Variants in ADGRB3 observed in about 807,000 individuals in gnomAD.
The protein encoded by ADGRB3 is brain-specific angiogenesis inhibitor 3.
A neutral mutation model predicts 193.4 loss-of-function variants in ADGRB3; 37 were observed. The ratio of observed to expected loss-of-function variants is 0.19; its 90% CI spans 0.15 to 0.25. ADGRB3 has a LOEUF of 0.25. Among genes scored for constraint, ADGRB3 ranks in the 10% least tolerant of loss-of-function variants. ADGRB3 has a pLI of 1.00. For synonymous variants in ADGRB3, 690 were observed against 644.2 expected, an observed-to-expected ratio of 1.07 and a Z score of -1.08; for missense variants, 1,637 against 1,852.9, an observed-to-expected ratio of 0.88 and a Z score of 2.14.
intron 3 of ADGRB3, among the ~76,000 whole-genome samples, chr6:68,884,615 A>C (rs1765850572): frequency 6.6e-6 from 1 of 152,184 alleles, no homozygotes; most frequent in Non-Finnish European, 1.5e-5. Flanking sequence ...CAGAAACTAC[A>C]TCATGGGAAG....
chr6:69,034,461 T>C (rs891870904), intron 13 of ADGRB3, among the ~76,000 whole-genome samples: 2 of 150,446 alleles, frequency 1.3e-5, no homozygotes, highest in African/African-American at 4.8e-5. Flanking sequence ...TAATTTAGAC[T>C]ACATAGGTGA....
At chr6:68,927,524 C>A (rs892876112) in intron 3 of ADGRB3, among the ~76,000 whole-genome samples, 8 of 152,046 alleles carry the variant, frequency 5.3e-5, no homozygotes, top group African/African-American at 9.7e-5. Context: ...TTTTAAAATA[C>A]CCCATTGCAA....
chr6:68,788,114 T>A (rs567402089), intron 3 of ADGRB3, among the ~76,000 whole-genome samples: 51 of 152,302 alleles, frequency 3.3e-4, no homozygotes, highest in African/African-American at 1.0e-3. Flanking sequence ...AGCTCCTGGA[T>A]TCATTAATTT....
chr6:69,352,044 C>CA (rs1769236543), intron 26 of ADGRB3, among the ~76,000 whole-genome samples: 1 of 152,116 alleles, frequency 6.6e-6, no homozygotes, highest in Admixed American at 6.5e-5. Context: ...CCTTGAGGTG[C>CA]AAACAGAAAG....
chr6:69,188,753 T>C (rs1044077883), intron 17 of ADGRB3, among the ~76,000 whole-genome samples: 1 of 152,096 alleles, frequency 6.6e-6, no homozygotes, highest in African/African-American at 2.4e-5. Flanking sequence ...GGCTTAATAT[T>C]TTTTTTAAAT....
chr6:68,946,841 T>G (rs1767787603), intron 6 of ADGRB3, among the ~76,000 whole-genome samples: 1 of 152,116 alleles, frequency 6.6e-6, no homozygotes, highest in Non-Finnish European at 1.5e-5. Context: ...AAATAGACAC[T>G]ATGTAGGAAT....
intron 13 of ADGRB3, among the ~76,000 whole-genome samples, 158 bp from the exon 14 acceptor site, chr6:69,048,018 AATGAGAAAT>A (rs1771287557): frequency 6.6e-6 from 1 of 152,200 alleles, no homozygotes; most frequent in African/African-American, 2.4e-5. Flanking sequence ...CAGCAACTTT[AATGAGAAAT>A]TTTGTCTAAT....
chr6:69,004,107 TC>T (rs1769669796), intron 11 of ADGRB3, among the ~76,000 whole-genome samples: 2 of 152,234 alleles, frequency 1.3e-5, no homozygotes, highest in African/African-American at 4.8e-5. Context: ...ATGTTGTGAT[TC>T]CATTTATTAT....
intron 17 of ADGRB3, among the ~76,000 whole-genome samples, chr6:69,123,287 A>T (rs539744874): frequency 1.3e-5 from 2 of 152,258 alleles, no homozygotes; most frequent in Non-Finnish European, 2.9e-5. Context: ...AGAAACAGTA[A>T]AATAGAGTTT....
At chr6:69,279,452 C>CTCTG (rs113935137) in intron 20 of ADGRB3, among the ~76,000 whole-genome samples, 1 of 147,944 alleles carries the variant, frequency 6.8e-6, no homozygotes, top group Non-Finnish European at 1.5e-5. Context: ...GTCAAGAATG[C>CTCTG]TGTGTGTGTG....
chr6:69,253,069 T>A (rs1766658666), intron 20 of ADGRB3, among the ~76,000 whole-genome samples: 1 of 152,046 alleles, frequency 6.6e-6, no homozygotes, highest in South Asian at 2.1e-4. Context: ...ATTAAATTGC[T>A]TTGGTAGCTT....
chr6:69,233,453 G>A, intron 18 of ADGRB3, 37 bp downstream of exon 18: 1 of 1,612,720 alleles, frequency 6.2e-7, no homozygotes, highest in Non-Finnish European at 8.5e-7. Flanking sequence ...TTAACGCAAA[G>A]ACAGGGATAT....
chr6:69,232,607 G>C, intron 17 of ADGRB3: 2 of 1,535,646 alleles, frequency 1.3e-6, no homozygotes, highest in Non-Finnish European at 1.7e-6. Context: ...TGGACTGAGT[G>C]AAGTGTGGAG....
At chr6:68,896,953 C>T (rs538670575) in intron 3 of ADGRB3, among the ~76,000 whole-genome samples, 51 of 152,006 alleles carry the variant, frequency 3.4e-4, no homozygotes, top group Non-Finnish European at 6.9e-4. Context: ...CTTGGCCCCT[C>T]GCTACACACA....
At chr6:69,191,461 G>A (rs1241066617) in intron 17 of ADGRB3, among the ~76,000 whole-genome samples, 3 of 152,048 alleles carry the variant, frequency 2.0e-5, no homozygotes, top group Non-Finnish European at 4.4e-5. Flanking sequence ...TTCTGATATA[G>A]TGAAGTCAAG....
At chr6:68,850,215 G>T (rs1238529786) in intron 3 of ADGRB3, among the ~76,000 whole-genome samples, 5 of 150,958 alleles carry the variant, frequency 3.3e-5, no homozygotes, top group African/African-American at 1.2e-4. Flanking sequence ...ATTGCTCTGT[G>T]TTTTTTTTAA....
intron 15 of ADGRB3, among the ~76,000 whole-genome samples, chr6:69,062,206 C>T (rs680726): frequency 0.29 from 44,253 of 151,078 alleles, 8,489 homozygotes; most frequent in East Asian, 0.89. Flanking sequence ...TGTGTGAAAA[C>T]CTACATATAC....
chr6:68,812,849 A>G (rs767055545), intron 3 of ADGRB3, among the ~76,000 whole-genome samples: 8 of 76,742 alleles, frequency 1.0e-4, no homozygotes, highest in Non-Finnish European at 1.5e-4. Context: ...CACAGGCCCC[A>G]GTGTGTGATG....
chr6:69,051,471 A>G (rs572808361), intron 15 of ADGRB3, among the ~76,000 whole-genome samples: 2 of 152,340 alleles, frequency 1.3e-5, no homozygotes, highest in South Asian at 4.1e-4. Flanking sequence ...GTAATTTAGT[A>G]AATGTCTATA....
Sources: gnomAD v4.1 joint callset for allele counts (sites outside exome capture counted in the v4.1 genomes callset) on GRCh38, gnomAD v4.1.1 for gene constraint, MANE v1.5 for transcripts, NCBI Gene and HGNC (gene_info 2026-07-23, HGNC 2026-07-21) for gene names.